RCOR1: variants seen among roughly 807,000 people sequenced by gnomAD.
RCOR1 encodes REST corepressor 1.
RCOR1 carries 12 observed loss-of-function variants against 64.0 expected under a neutral mutation model. That is an observed-to-expected ratio of 0.19 (90% CI 0.12 to 0.30). The LOEUF is 0.30. Ranked by LOEUF, RCOR1 falls within the 10% of genes least tolerant of loss-of-function variation. The pLI is 1.00. For missense variants in RCOR1, 502 were observed against 621.2 expected (o/e 0.81, Z 2.04); for synonymous variants, 279 against 227.2 (o/e 1.23, Z -2.05).
chr14:102,696,826 T>TTTG (rs1895661093), intron 3 of RCOR1, among the ~76,000 whole-genome samples: 2 of 150,508 alleles, frequency 1.3e-5, no homozygotes, highest in African/African-American at 2.4e-5. Flanking sequence ...TTTTTTTTTT[T>TTTG]TTTTTATAAG....
chr14:102,622,987 A>G lies in RCOR1; in HGVS notation c.361+29662A>G, dbSNP rs565057543. Among the ~76,000 whole-genome samples the G allele has an allele frequency of 1.1e-3, 161 of 152,234 alleles. 1 individual carries two copies. Among genetic ancestry groups the G allele is most frequent in the Non-Finnish European group, 6.5e-4 (44 of 68,022 alleles). ...TGCTTTGTCTAATATCAGTATAGCT[A>G]TGCCAGTTTTCTTTTTGTTCGTGTT... On this transcript the variant is annotated intron_variant, in intron 2 of 11. Coordinates refer to ENST00000262241, the MANE Select transcript of RCOR1 (RefSeq NM_015156.4).
rs753513724 is a variant in RCOR1, at chr14:102,708,520, C to T, written c.716C>T (p.Thr239Met). The T allele has an allele frequency of 2.7e-5, 44 of 1,612,108 alleles. No individual in the cohort carries two copies. Among genetic ancestry groups the T allele is most frequent in the Non-Finnish European group, 3.4e-5 (40 of 1,178,504 alleles). The change falls in exon 6 of 12, where the codon ACG (threonine) becomes ATG (methionine). Residue 239 changes from threonine (T) to methionine (M), a missense_variant. By Grantham distance (81) the Thr-to-Met change is moderately conservative. This residue lies in a region of RCOR1 where 260 missense variants were observed against 416.4 expected (regional missense o/e 0.62). Transcript: ENST00000262241. ...LVKFYYSWKK[T>M]RTKTSVMDRH... ...AAATTTTACTATTCTTGGAAGAAGA[C>T]GAGGACTAAAACTAGTGTGATGGAT...
intron 2 of RCOR1, among the ~76,000 whole-genome samples, chr14:102,617,583 CTTTCTTT>C (rs1275645758): frequency 1.8e-5 from 2 of 113,680 alleles, no homozygotes; most frequent in African/African-American, 3.6e-5. Context: ...GACACTGTCT[CTTTCTTT>C]TTTTTTTTTT....
intron 2 of RCOR1, among the ~76,000 whole-genome samples, chr14:102,611,391 C>T (rs1412947660): frequency 6.6e-6 from 1 of 152,086 alleles, no homozygotes; most frequent in Non-Finnish European, 1.5e-5. Flanking sequence ...TCTTTTAATG[C>T]CCTTGTCTAC....
intron 2 of RCOR1, chr14:102,655,222 G>A (rs746067782): frequency 7.1e-6 from 7 of 980,830 alleles, no homozygotes; most frequent in Non-Finnish European, 8.4e-6. Context: ...CACAAGAGAA[G>A]TACATTTCTT....
chr14:102,676,926 C>T (rs1232319136), intron 2 of RCOR1, among the ~76,000 whole-genome samples: 25 of 102,036 alleles, frequency 2.5e-4, no homozygotes, highest in African/African-American at 7.2e-4. Context: ...ACCTCCCTCC[C>T]GGACGGGGCG....
intron 3 of RCOR1, among the ~76,000 whole-genome samples, chr14:102,698,182 A>G (rs933841250): frequency 6.6e-6 from 1 of 152,236 alleles, no homozygotes; most frequent in African/African-American, 2.4e-5. Flanking sequence ...TTAAGATATA[A>G]AGCAAAAGAG....
chr14:102,611,737 T>C (rs184956344), intron 2 of RCOR1, among the ~76,000 whole-genome samples: 1 of 152,302 alleles, frequency 6.6e-6, no homozygotes, highest in African/African-American at 2.4e-5. Context: ...TGATAGCCCA[T>C]GGACTATGTG....
At chr14:102,720,432 A>T (rs1595246035) in intron 8 of RCOR1, among the ~76,000 whole-genome samples, 2 of 152,346 alleles carry the variant, frequency 1.3e-5, no homozygotes, top group East Asian at 3.9e-4. Context: ...AGGAAAGTGA[A>T]GACGTGACAG....
At chr14:102,695,175 T>C (rs186313762) in intron 3 of RCOR1, among the ~76,000 whole-genome samples, 2 of 152,216 alleles carry the variant, frequency 1.3e-5, no homozygotes, top group Non-Finnish European at 1.5e-5. Context: ...ATTTCGTTCA[T>C]TGAATTAAAA....
At chr14:102,593,388 C>A in intron 2 of RCOR1, 63 bp downstream of exon 2, 1 of 1,431,754 alleles carries the variant, frequency 7.0e-7, no homozygotes, top group Non-Finnish European at 9.1e-7. Flanking sequence ...CCCCGGCGAG[C>A]CCGAGGGGGC....
At position 102,721,028 on chromosome 14, in the gene RCOR1, A is replaced by T. The variant is rs753301695; in HGVS notation, c.1075A>T (p.Asn359Tyr). The T allele has an allele frequency of 7.7e-6, 12 of 1,566,186 alleles. No individual in the cohort carries two copies. The South Asian group carries it at 1.3e-4, about 17-fold the overall frequency. ...KRQIQNIKQT[N>Y]SALKEKLDGG... is the part of the protein sequence containing the mutation. Reference sequence around the variant, plus strand: ...CTAGATCCAGAATATTAAACAGACAAACAGTGCTCTCAAAGAAAAACTTGA... The same window carrying T: ...CTAGATCCAGAATATTAAACAGACATACAGTGCTCTCAAAGAAAAACTTGA... Residue 359 changes from asparagine to tyrosine, a missense_variant, in exon 9 of 12, where the codon AAC becomes TAC. By Grantham distance (143) the Asn-to-Tyr change is moderately radical. Transcript: ENST00000262241.
intron 2 of RCOR1, chr14:102,629,997 A>C: frequency 1.0e-6 from 1 of 977,404 alleles, no homozygotes. Flanking sequence ...ATTTTGTGTA[A>C]GGCAGAAGTG....
chr14:102,609,302 C>G (rs1013761168), intron 2 of RCOR1, among the ~76,000 whole-genome samples: 2 of 152,166 alleles, frequency 1.3e-5, no homozygotes, highest in South Asian at 2.1e-4. Flanking sequence ...CTCGGCCTCT[C>G]AAAGTGCTGG....
At chr14:102,623,431 C>T (rs1023374523) in intron 2 of RCOR1, among the ~76,000 whole-genome samples, 16 of 141,432 alleles carry the variant, frequency 1.1e-4, no homozygotes, top group African/African-American at 3.2e-4. Context: ...TATTTTGAGA[C>T]GGAGTCTCGC....
rs1171335058 is a variant in RCOR1, at chr14:102,729,367, T to C, written c.*2861T>C. ...TGCAACAGTGATCCATTCTGTAATATAGCTCTTTTAACTGGGAAGGAACCA... is the reference window on the plus strand; with the variant it reads ...TGCAACAGTGATCCATTCTGTAATACAGCTCTTTTAACTGGGAAGGAACCA... On this transcript the variant is annotated 3_prime_UTR_variant, in exon 12 of 12. Coordinates refer to ENST00000262241, the MANE Select transcript of RCOR1 (RefSeq NM_015156.4). 6.5e-6 allele frequency: 1 copy of C among 152,984 alleles called. No homozygotes were observed. The highest frequency in any genetic ancestry group is 1.9e-4 in the East Asian group (1 of 5,208). The allele number at this position is 152,984 out of a possible 1,614,324, so 9.5% of individuals were successfully genotyped here.
chr14:102,726,583 C>A lies in RCOR1; in HGVS notation c.*77C>A. 1.7e-6 allele frequency: 2 copies of A among 1,190,724 alleles called. No individual in the cohort carries two copies. The highest frequency in any genetic ancestry group is 2.4e-6 in the Non-Finnish European group (2 of 820,676). The allele number at this position is 1,190,724 out of a possible 1,614,324, so 73.8% of individuals were successfully genotyped here. ...TCAGGTATTATGAGACATCACCTAG[C>A]CATCTGCATCACATCTCTCTGGACA... is the stretch of plus-strand genomic sequence containing the variant. On this transcript the variant is annotated 3_prime_UTR_variant, in exon 12 of 12. Coordinates refer to ENST00000262241, the MANE Select transcript of RCOR1 (RefSeq NM_015156.4).
intron 3 of RCOR1, among the ~76,000 whole-genome samples, chr14:102,692,651 AC>A (rs1215355762): frequency 6.6e-6 from 1 of 151,516 alleles, no homozygotes; most frequent in African/African-American, 2.4e-5. Flanking sequence ...TAAAAATTAA[AC>A]CGAGTTTTGA....
intron 1 of RCOR1, 37 bp from the exon 2 acceptor site, chr14:102,593,229 G>A (rs1469390993): frequency 4.7e-6 from 7 of 1,486,408 alleles, no homozygotes; most frequent in Non-Finnish European, 5.3e-6. Context: ...CCCGCGCCCC[G>A]CGCCGCGCTG....
Sources: gnomAD v4.1 joint callset for allele counts (sites outside exome capture counted in the v4.1 genomes callset) on GRCh38, gnomAD v4.1.1 for gene constraint, gnomAD v4.1.1 regional missense constraint, MANE v1.5 for transcripts, NCBI Gene and HGNC (gene_info 2026-07-23, HGNC 2026-07-21) for gene names.